The following F8 variants were observed in gnomAD, a reference collection of about 807,000 sequenced individuals.
F8 encodes antihemophilic factor.
In F8, 12 loss-of-function variants were observed where a neutral mutation model predicts 140.6. The observed-to-expected ratio is 0.09, with a 90% CI of 0.05 to 0.14. The LOEUF is 0.14. F8 is among the 10% of genes least tolerant of loss of function. The pLI, the probability that F8 is intolerant of heterozygous loss-of-function variation, is 1.00. For missense variants in F8, 1,354 were observed against 1,720.7 expected, an observed-to-expected ratio of 0.79 and a Z score of 3.77; for synonymous variants, 585 against 614.6, an observed-to-expected ratio of 0.95 and a Z score of 0.71.
rs781943849 is a variant in F8, at chrX:154,910,762, G to T, written c.5220-4189C>A. Among the ~76,000 whole-genome samples the T allele has an allele frequency of 2.6e-4, 29 of 110,748 alleles. 1 individual carries two copies. In the South Asian group the frequency reaches 0.012, roughly 45 times the overall value. On this transcript the variant is annotated intron_variant, in intron 14 of 25. Coordinates refer to ENST00000360256, the MANE Select transcript of F8 (RefSeq NM_000132.4). Reference sequence around the variant, plus strand: ...CCAGCCCGACACCCGTAAAGGGTCTGTGCTGAGGAGGATTAGTGAAAGAGG... The same window carrying T: ...CCAGCCCGACACCCGTAAAGGGTCTTTGCTGAGGAGGATTAGTGAAAGAGG...
intron 23 of F8, among the ~76,000 whole-genome samples, chrX:154,862,311 C>G (rs1480387583): frequency 8.9e-6 from 1 of 111,990 alleles, no homozygotes; most frequent in Non-Finnish European, 1.9e-5. Context: ...CAGGTGTGAG[C>G]CACCACGCCC....
intron 23 of F8, 123 bp from the exon 24 acceptor site, chrX:154,861,989 T>C: frequency 1.2e-6 from 1 of 824,389 alleles, no homozygotes; most frequent in African/African-American, 2.0e-5. Flanking sequence ...GTTTTAACTT[T>C]TGCACAGATT....
At chrX:154,852,434 T>G (rs2072623472) in intron 25 of F8, among the ~76,000 whole-genome samples, 1 of 111,941 alleles carries the variant, frequency 8.9e-6, no homozygotes, top group Non-Finnish European at 1.9e-5. Flanking sequence ...GATATCCAAT[T>G]GTCCCAGCAC....
At chrX:154,861,092 T>C (rs1569559313) in intron 24 of F8, among the ~76,000 whole-genome samples, 1 of 110,629 alleles carries the variant, frequency 9.0e-6, no homozygotes, top group Non-Finnish European at 1.9e-5. Flanking sequence ...AGTCAGGCAC[T>C]GTTGCCTGGG....
intron 6 of F8, among the ~76,000 whole-genome samples, chrX:154,982,235 C>G (rs2124127399): frequency 9.5e-6 from 1 of 105,251 alleles, no homozygotes; most frequent in South Asian, 4.3e-4. Flanking sequence ...ATCACGAGGT[C>G]AGGAGATCGA....
intron 22 of F8, chrX:154,886,130 G>A: frequency 3.1e-6 from 2 of 638,375 alleles, no homozygotes; most frequent in Non-Finnish European, 4.3e-6. Context: ...CAGGCCCCGC[G>A]TACCTTCCCA....
intron 13 of F8, among the ~76,000 whole-genome samples, chrX:154,944,373 A>G (rs1422224753): frequency 9.0e-6 from 1 of 111,050 alleles, no homozygotes; most frequent in African/African-American, 3.3e-5. Context: ...ATGAACAGAC[A>G]CTTCACAAAA....
At position 154,975,186 on chromosome X, in the gene F8, A is replaced by C. The variant is rs1042555663; in HGVS notation, c.788-5634T>G. Among the ~76,000 whole-genome samples, 4 of 110,028 alleles carry C rather than the reference A, an allele frequency of 3.6e-5. No homozygotes were observed. In the Admixed American group the frequency reaches 3.8e-4, roughly 11 times the overall value. On this transcript the variant is annotated intron_variant, in intron 6 of 25. Transcript: ENST00000360256. Reference sequence around the variant, plus strand: ...GATGCATCATTAGGTTGTTTATTTGAGATTTTTTTTTGATGTAGGCATTTA... The same window carrying C: ...GATGCATCATTAGGTTGTTTATTTGCGATTTTTTTTTGATGTAGGCATTTA...
chrX:155,008,008 C>T (rs1197626675), intron 1 of F8, among the ~76,000 whole-genome samples: 1 of 111,039 alleles, frequency 9.0e-6, no homozygotes, highest in Non-Finnish European at 1.9e-5. Flanking sequence ...TAGCCAGCAC[C>T]ACTATCTGAA....
intron 3 of F8, among the ~76,000 whole-genome samples, chrX:154,995,110 T>G (rs1439958544): frequency 8.9e-6 from 1 of 112,114 alleles, no homozygotes; most frequent in Non-Finnish European, 1.9e-5. Flanking sequence ...ATGTTAAGAT[T>G]TGGCAAAGTG....
At chrX:154,902,202 T>G in intron 18 of F8, 35 bp from the exon 19 acceptor site, 1 of 1,019,775 alleles carries the variant, frequency 9.8e-7, no homozygotes, top group Non-Finnish European at 1.4e-6. Context: ...AATTATTTCT[T>G]TTCACTAAAA....
chrX:154,869,236 T>C (rs1008127031), intron 22 of F8, among the ~76,000 whole-genome samples: 1 of 111,651 alleles, frequency 9.0e-6, no homozygotes, highest in South Asian at 3.7e-4. Context: ...AATCAACAGA[T>C]TATACATTCT....
At chrX:154,905,928 C>T (rs2073035829) in intron 15 of F8, among the ~76,000 whole-genome samples, 1 of 111,569 alleles carries the variant, frequency 9.0e-6, no homozygotes, top group Non-Finnish European at 1.9e-5. Context: ...AGCACTTCCT[C>T]CATGAAAGAC....
intron 1 of F8, among the ~76,000 whole-genome samples, chrX:155,001,390 G>A (rs1048562010): frequency 2.0e-5 from 2 of 97,876 alleles, no homozygotes; most frequent in Admixed American, 1.2e-4. Context: ...TCCACCTCCC[G>A]GGTTCGAGTG....
intron 25 of F8, among the ~76,000 whole-genome samples, chrX:154,838,827 A>G (rs1468751268): frequency 9.1e-6 from 1 of 110,346 alleles, no homozygotes; most frequent in Non-Finnish European, 1.9e-5. Flanking sequence ...CGTTTGGGCC[A>G]TCTTCATTCA....
intron 22 of F8, among the ~76,000 whole-genome samples, chrX:154,864,493 C>G (rs1343956521): frequency 8.9e-6 from 1 of 112,441 alleles, no homozygotes; most frequent in Non-Finnish European, 1.9e-5. Flanking sequence ...AATGGAGATT[C>G]ATGAAATTTT....
chrX:154,992,824 TA>T, intron 4 of F8, 111 bp downstream of exon 4: 1 of 706,081 alleles, frequency 1.4e-6, no homozygotes, highest in Non-Finnish European at 2.2e-6. Context: ...GATGCTAGAG[TA>T]AAAAAGCCTC....
At chrX:154,982,764 T>G (rs1557283854) in intron 6 of F8, among the ~76,000 whole-genome samples, 1 of 111,479 alleles carries the variant, frequency 9.0e-6, no homozygotes, top group Admixed American at 9.5e-5. Flanking sequence ...ATGCTAATCA[T>G]CTCTGCATAA....
intron 6 of F8, among the ~76,000 whole-genome samples, chrX:154,976,671 G>A (rs1213635555): frequency 9.3e-6 from 1 of 107,260 alleles, no homozygotes; most frequent in African/African-American, 3.4e-5. Context: ...GAGAATATGC[G>A]GTCCAAATGT....
Sources: allele counts gnomAD v4.1 joint callset (sites outside exome capture counted in the v4.1 genomes callset), GRCh38; gene constraint gnomAD v4.1.1; transcripts MANE v1.5; gene names NCBI Gene and HGNC (gene_info 2026-07-23, HGNC 2026-07-21).